MYO5B: variants seen among roughly 807,000 people sequenced by gnomAD.
MYO5B encodes the protein myosin VB.
MYO5B carries 143 observed loss-of-function variants against 229.3 expected under a neutral mutation model. The observed-to-expected ratio is 0.62, with a 90% confidence interval of 0.54 to 0.72. The LOEUF (loss-of-function observed/expected upper bound fraction) is 0.72. MYO5B is among the 30% of genes least tolerant of loss of function. The pLI, the probability that MYO5B is intolerant of heterozygous loss-of-function variation, is 0.00. For missense variants in MYO5B, 2,321 were observed against 2,331.0 expected (o/e 1.00, Z 0.09); for synonymous variants, 918 against 885.2 (o/e 1.04, Z -0.66).
intron 1 of MYO5B, among the ~76,000 whole-genome samples, chr18:50,117,645 C>A (rs2031986325): frequency 6.6e-6 from 1 of 151,526 alleles, no homozygotes; most frequent in Non-Finnish European, 1.5e-5. Flanking sequence ...ATTAAGAAAA[C>A]AGGGCCATTA....
chr18:49,992,533 T>C, intron 5 of MYO5B, 102 bp from the exon 6 acceptor site: 1 of 1,520,652 alleles, frequency 6.6e-7, no homozygotes, highest in Non-Finnish European at 9.1e-7. Context: ...TCTTCCTTAC[T>C]TACAGAAACC....
intron 2 of MYO5B, among the ~76,000 whole-genome samples, chr18:50,049,015 C>G (rs1265091899): frequency 9.2e-6 from 1 of 108,948 alleles, no homozygotes; most frequent in Non-Finnish European, 1.9e-5. Context: ...GAGTGAGACT[C>G]CATCTCAGGA....
chr18:50,030,892 A>G (rs1383290468), intron 4 of MYO5B, among the ~76,000 whole-genome samples: 4 of 116,170 alleles, frequency 3.4e-5, no homozygotes, highest in African/African-American at 1.7e-4. Context: ...AAAAAAAAAA[A>G]AAAAAAAAAA....
intron 1 of MYO5B, among the ~76,000 whole-genome samples, chr18:50,175,867 G>A (rs1291471113): frequency 2.0e-5 from 3 of 152,204 alleles, no homozygotes; most frequent in Non-Finnish European, 4.4e-5. Context: ...AACTGACCAC[G>A]TGCCCCTGCA....
intron 33 of MYO5B, among the ~76,000 whole-genome samples, chr18:49,845,764 G>C (rs905467603): frequency 6.6e-6 from 1 of 152,304 alleles, no homozygotes; most frequent in African/African-American, 2.4e-5. Flanking sequence ...GACTGGGTTG[G>C]TACAGAGCAG....
chr18:50,014,271 G>A (rs572429100), intron 4 of MYO5B, among the ~76,000 whole-genome samples: 9 of 41,318 alleles, frequency 2.2e-4, no homozygotes, highest in South Asian at 1.3e-3. Context: ...GAAAATGGAT[G>A]AGAAAGGAAA....
chr18:50,047,075 C>A (rs1353454262), intron 2 of MYO5B, among the ~76,000 whole-genome samples: 26 of 152,064 alleles, frequency 1.7e-4, no homozygotes, highest in Non-Finnish European at 2.1e-4. Context: ...CAACAAAAGC[C>A]AAAATTGACA....
At chr18:50,147,373 C>T (rs773165509) in intron 1 of MYO5B, among the ~76,000 whole-genome samples, 10 of 152,200 alleles carry the variant, frequency 6.6e-5, no homozygotes, top group Non-Finnish European at 1.0e-4. Context: ...CTGCCCTGTC[C>T]ACAGTCACCT....
At chr18:49,964,237 T>C (rs1328340759) in intron 10 of MYO5B, among the ~76,000 whole-genome samples, 1 of 152,244 alleles carries the variant, frequency 6.6e-6, no homozygotes, top group East Asian at 1.9e-4. Context: ...CCTCACAATG[T>C]ACGAAAGTGT....
Position 49,894,996 on chromosome 18 carries a change from G to A in MYO5B, c.2990C>T (p.Ser997Leu), listed in dbSNP as rs749172925. 27 of 1,613,688 alleles carry A rather than the reference G, an allele frequency of 1.7e-5. No individual in the cohort carries two copies. The highest frequency in any genetic ancestry group is 8.9e-5 in the East Asian group (4 of 44,890). The stretch of plus-strand genomic sequence containing the variant: ...GGCGTCCTCCAAGATCTTGCGCTCC[G>A]AGTGGGCCCTCTGCAGCTCTGTGCG... ...SLRTELQRAHSERKILEDAHS... is the reference protein window; with the variant it reads ...SLRTELQRAHLERKILEDAHS... Residue 997 changes from serine (S) to leucine (L), a missense_variant, in exon 22 of 40, where the codon TCG becomes TTG. Ser to Leu is a moderately radical substitution (Grantham distance 145). Coordinates refer to ENST00000285039, the MANE Select transcript of MYO5B (RefSeq NM_001080467.3).
intron 1 of MYO5B, among the ~76,000 whole-genome samples, chr18:50,138,781 C>A (rs1173171680): frequency 6.6e-6 from 1 of 152,210 alleles, no homozygotes; most frequent in Non-Finnish European, 1.5e-5. Context: ...AATAGTACCC[C>A]ATTTCCTGGT....
At chr18:50,022,124 A>ATGTGCTG (rs2144359877) in intron 4 of MYO5B, among the ~76,000 whole-genome samples, 1 of 151,514 alleles carries the variant, frequency 6.6e-6, no homozygotes, top group African/African-American at 2.4e-5. Flanking sequence ...AGAGTCAGCA[A>ATGTGCTG]ATAGAACTTC....
rs1478958334 is a variant in MYO5B, at chr18:49,902,519, G to A, written c.2811+75C>T. ...GTCTTCGGCATGTGCAGTTCCTCAAGGAAGCTGTGGGCTCTCTCAAAATGC... is the reference window on the plus strand; with the variant it reads ...GTCTTCGGCATGTGCAGTTCCTCAAAGAAGCTGTGGGCTCTCTCAAAATGC... On this transcript the variant is annotated intron_variant, in intron 21 of 39. Coordinates refer to ENST00000285039, the MANE Select transcript of MYO5B (RefSeq NM_001080467.3). The A allele has an allele frequency of 7.5e-6, 12 of 1,592,426 alleles. 1 individual carries two copies. The highest frequency in any genetic ancestry group is 5.0e-5 in the Admixed American group (3 of 59,988).
At chr18:49,962,437 A>C (rs2025570228) in intron 11 of MYO5B, 31 bp from the exon 12 acceptor site, 2 of 1,613,910 alleles carry the variant, frequency 1.2e-6, no homozygotes, top group Admixed American at 3.3e-5. Flanking sequence ...ACACGAGTGA[A>C]CTGCAGGCAC....
intron 9 of MYO5B, among the ~76,000 whole-genome samples, chr18:49,975,999 C>G (rs1313369024): frequency 6.6e-6 from 1 of 152,072 alleles, no homozygotes; most frequent in Non-Finnish European, 1.5e-5. Context: ...CCTTGCAGCC[C>G]ACTTGGGGCA....
At position 49,984,617 on chromosome 18, in the gene MYO5B, T is replaced by C. The variant is rs531485561; in HGVS notation, c.946+101A>G. On this transcript the variant is annotated intron_variant, in intron 8 of 39. Coordinates refer to ENST00000285039, the MANE Select transcript of MYO5B (RefSeq NM_001080467.3). ...GGGCAAGAGGGCATCTCCCATTAGC[T>C]CCTGCAGGTTGCTGGCAAGCACAGT... 109 of 885,600 alleles carry C rather than the reference T, an allele frequency of 1.2e-4. No individual in the cohort carries two copies. In the African/African-American group the frequency reaches 1.7e-3, roughly 14 times the overall value. 54.9% of individuals were successfully genotyped at this position (885,600 alleles called of 1,614,324 possible).
At chr18:49,958,848 T>A (rs1400890367) in intron 12 of MYO5B, among the ~76,000 whole-genome samples, 1 of 152,186 alleles carries the variant, frequency 6.6e-6, no homozygotes, top group African/African-American at 2.4e-5. Context: ...GCCTACCACA[T>A]GGCCTCAGGG....
intron 18 of MYO5B, among the ~76,000 whole-genome samples, chr18:49,908,003 C>G (rs1237673686): frequency 1.3e-5 from 2 of 152,168 alleles, no homozygotes; most frequent in Non-Finnish European, 2.9e-5. Context: ...CATGGCTCAG[C>G]CAGGAGGGGT....
rs746895518 is a variant in MYO5B, at chr18:49,954,357, G to A, written c.1624C>T (p.Arg542Cys). Residue 542 changes from arginine to cysteine, a missense_variant, in exon 13 of 40, where the codon CGC becomes TGC. Physicochemically the swap from Arg to Cys is radical, Grantham distance 180 (BLOSUM62 -3). This residue lies in a region of MYO5B where 2,113 missense variants were observed against 2,044.7 expected (regional missense o/e 1.03). Coordinates refer to ENST00000285039, the MANE Select transcript of MYO5B (RefSeq NM_001080467.3). ...ATGATGAAGGCCGTGTTGGACATGC[G>A]GGGCTTCTGGAAGTGCTGGCTGCTG... ...HSSSQHFQKP[R>C]MSNTAFIIVH... 39 of 1,613,976 alleles carry A rather than the reference G, an allele frequency of 2.4e-5. No homozygotes were observed. Among genetic ancestry groups the A allele is most frequent in the Non-Finnish European group, 3.3e-5 (39 of 1,179,952 alleles).
Sources: allele counts gnomAD v4.1 joint callset (sites outside exome capture counted in the v4.1 genomes callset), GRCh38; gene constraint gnomAD v4.1.1; regional missense constraint gnomAD v4.1.1; transcripts MANE v1.5; gene names NCBI Gene and HGNC (gene_info 2026-07-23, HGNC 2026-07-21).